The following ADGRA1 variants were observed in gnomAD, a reference collection of about 807,000 sequenced individuals.
ADGRA1 encodes the protein adhesion G protein-coupled receptor A1.
A neutral mutation model predicts 21.3 loss-of-function variants in ADGRA1; 12 were observed. The observed-to-expected ratio is 0.56, with a 90% CI of 0.36 to 0.91. ADGRA1 has a LOEUF of 0.91. Ranked by LOEUF, ADGRA1 falls within the 40% of genes least tolerant of loss-of-function variation. The probability of loss-of-function intolerance (pLI) is 0.01; values close to 1 mark genes in which losing one functional copy is unlikely to be tolerated. For missense variants in ADGRA1, 790 were observed against 805.6 expected (o/e 0.98, Z 0.23); for synonymous variants, 385 against 368.8 (o/e 1.04, Z -0.50).
intron 4 of ADGRA1, chr10:133,102,118 A>G: frequency 2.3e-6 from 1 of 430,280 alleles, no homozygotes; most frequent in Non-Finnish European, 4.7e-6. Context: ...GGAAGTTTCC[A>G]TAGCAATGAG....
intron 5 of ADGRA1, among the ~76,000 whole-genome samples, chr10:133,121,582 A>ATG (rs796554579): frequency 7.2e-4 from 87 of 120,400 alleles, no homozygotes; most frequent in Admixed American, 5.4e-3. Flanking sequence ...ATGCCTGTGC[A>ATG]TGTGTGTGCC....
At position 133,093,937 on chromosome 10, in the gene ADGRA1, C is replaced by T. The variant is rs192736658; in HGVS notation, c.4-3037C>T. On this transcript the variant is annotated intron_variant, in intron 2 of 6. Transcript: ENST00000392607. ...TGTCACCTCTGAAAATGTAGACAGG[C>T]ACTGTTGATAACTGTAATTTGGAGA... is the stretch of plus-strand genomic sequence containing the variant. Among the ~76,000 whole-genome samples, 497 of 152,394 alleles carry T rather than the reference C, an allele frequency of 3.3e-3. 2 individuals carry two copies. The highest frequency in any genetic ancestry group is 6.8e-3 in the Middle Eastern group (2 of 294).
chr10:133,126,771 C>T (rs888624631), intron 5 of ADGRA1, among the ~76,000 whole-genome samples: 11 of 152,214 alleles, frequency 7.2e-5, no homozygotes, highest in Admixed American at 7.2e-4. Flanking sequence ...GACCTTCTTC[C>T]CCTGAGGCTG....
At chr10:133,089,623 G>A (rs765800531) in intron 2 of ADGRA1, among the ~76,000 whole-genome samples, 51 of 152,246 alleles carry the variant, frequency 3.3e-4, no homozygotes, top group Non-Finnish European at 7.3e-5. Context: ...CCCAGGGCAC[G>A]TGCAGAGAAT....
chr10:133,127,103 T>G, intron 5 of ADGRA1, 130 bp from the exon 6 acceptor site: 1 of 529,656 alleles, frequency 1.9e-6, no homozygotes, highest in Non-Finnish European at 3.2e-6. Flanking sequence ...GGGGTCGGGG[T>G]TCTTGGTCTC....
chr10:133,099,285 A>C (rs1851749403), intron 4 of ADGRA1, among the ~76,000 whole-genome samples: 1 of 151,906 alleles, frequency 6.6e-6, no homozygotes. Context: ...GGGGAGACAC[A>C]GCCCACCCCT....
chr10:133,117,434 G>A (rs1336850644), intron 5 of ADGRA1, among the ~76,000 whole-genome samples: 1 of 152,238 alleles, frequency 6.6e-6, no homozygotes, highest in Admixed American at 6.5e-5. Context: ...AGCGCTCAGC[G>A]TGGCCACACC....
At chr10:133,114,455 G>T (rs1852118386) in intron 5 of ADGRA1, among the ~76,000 whole-genome samples, 1 of 152,156 alleles carries the variant, frequency 6.6e-6, no homozygotes, top group Non-Finnish European at 1.5e-5. Flanking sequence ...GGGCATTGTG[G>T]TGCCGTCTGC....
At chr10:133,107,091 T>G (rs1346151427) in intron 5 of ADGRA1, among the ~76,000 whole-genome samples, 1 of 152,254 alleles carries the variant, frequency 6.6e-6, no homozygotes, top group African/African-American at 2.4e-5. Flanking sequence ...ATTTTATTCT[T>G]TTGATGTTAT....
At chr10:133,121,815 G>C (rs1352296848) in intron 5 of ADGRA1, among the ~76,000 whole-genome samples, 2 of 145,920 alleles carry the variant, frequency 1.4e-5, no homozygotes, top group African/African-American at 5.1e-5. Context: ...GTGTGCTTGT[G>C]TGTGTGCATG....
In ADGRA1 at chr10:133,088,086, C is replaced by G. The variant is rs1851532111; in HGVS notation, c.-255C>G. 1 of 985,136 alleles carries G rather than the reference C, an allele frequency of 1.0e-6. No individual in the cohort carries two copies. Among genetic ancestry groups the G allele is most frequent in the Non-Finnish European group, 1.2e-6 (1 of 829,882 alleles). 61.0% of individuals were successfully genotyped at this position (985,136 alleles called of 1,614,324 possible). ...CCCCGGCGGGGGGAGCGCAGCGCGT[C>G]TGTCTCCGGGAGCGCGGCCCGGCCG... On this transcript the variant is annotated 5_prime_UTR_variant, in exon 1 of 7. Coordinates refer to ENST00000392607, the MANE Select transcript of ADGRA1 (RefSeq NM_001083909.3).
intron 5 of ADGRA1, among the ~76,000 whole-genome samples, chr10:133,111,910 CCTCCAGACCA>C (rs1852027713): frequency 1.0e-5 from 1 of 96,072 alleles, no homozygotes; most frequent in Admixed American, 1.0e-4. Context: ...CCTCCTAATG[CCTCCAGACCA>C]CCTGCCCGCC....
chr10:133,124,646 C>T (rs1021211013), intron 5 of ADGRA1, among the ~76,000 whole-genome samples: 2 of 152,244 alleles, frequency 1.3e-5, no homozygotes, highest in East Asian at 1.9e-4. Context: ...GATTCGTCAG[C>T]GCCCAGAGGA....
intron 4 of ADGRA1, 33 bp downstream of exon 4, chr10:133,098,796 C>A: frequency 6.3e-7 from 1 of 1,592,920 alleles, no homozygotes. Context: ...TGGCTCCTCC[C>A]AGAGGGGAAC....
At chr10:133,093,877 G>A (rs1217434367) in intron 2 of ADGRA1, among the ~76,000 whole-genome samples, 1 of 152,204 alleles carries the variant, frequency 6.6e-6, no homozygotes, top group African/African-American at 2.4e-5. Context: ...GACAACACAC[G>A]TCTCCACTGC....
At chr10:133,099,540 A>C (rs1343780816) in intron 4 of ADGRA1, among the ~76,000 whole-genome samples, 1 of 152,194 alleles carries the variant, frequency 6.6e-6, no homozygotes, top group Non-Finnish European at 1.5e-5. Flanking sequence ...CCGGGGGCCC[A>C]GCCTGACCTT....
rs552513917 is a variant in ADGRA1 at position 133,102,753 on chromosome 10, C to T, written c.312C>T (p.Thr104=). 21 of 1,612,730 alleles carry T rather than the reference C, an allele frequency of 1.3e-5. No individual in the cohort carries two copies. Among genetic ancestry groups the T allele is most frequent in the Middle Eastern group, 1.7e-4 (1 of 6,058 alleles). The change falls in exon 5 of 7, where the codon ACC becomes ACT. Residue 104 remains threonine (T), a synonymous_variant. Coordinates refer to ENST00000392607, the MANE Select transcript of ADGRA1 (RefSeq NM_001083909.3). ...CCACCATGCTGTGGATAGGAGTGAC[C>T]GCCAGGAACATCTACAAGCAGGTGA... is the stretch of plus-strand genomic sequence containing the variant. ...TLSTMLWIGV[T]ARNIYKQVTK...
intron 5 of ADGRA1, among the ~76,000 whole-genome samples, chr10:133,122,867 A>G (rs9419014): frequency 0.12 from 18,263 of 150,356 alleles, 1,146 homozygotes; most frequent in African/African-American, 0.14. Context: ...ACGCGTCCCC[A>G]GGCTGCACTG....
At chr10:133,102,947 G>T in intron 5 of ADGRA1, 105 bp downstream of exon 5, 4 of 1,238,852 alleles carry the variant, frequency 3.2e-6, no homozygotes, top group Non-Finnish European at 4.5e-6. Flanking sequence ...AGGGGCCTGA[G>T]GATGATCCGG....
Sources: allele counts gnomAD v4.1 joint callset (sites outside exome capture counted in the v4.1 genomes callset), GRCh38; gene constraint gnomAD v4.1.1; transcripts MANE v1.5; gene names NCBI Gene and HGNC (gene_info 2026-07-23, HGNC 2026-07-21).